Variants in RELL2 observed in about 807,000 individuals in gnomAD.
RELL2 encodes RELT-like protein 2.
RELL2 carries 18 observed loss-of-function variants against 27.5 expected under a neutral mutation model. That is an observed-to-expected ratio of 0.65 (90% CI 0.45 to 0.97). The LOEUF (loss-of-function observed/expected upper bound fraction) is 0.97, where lower values mean the gene tolerates loss of function less well. Ranked by LOEUF, RELL2 falls within the 50% of genes least tolerant of loss-of-function variation. The pLI is 0.00. For missense variants in RELL2, 370 were observed against 397.5 expected, an observed-to-expected ratio of 0.93 and a Z score of 0.59; for synonymous variants, 156 against 147.5, an observed-to-expected ratio of 1.06 and a Z score of -0.42.
chr5:141,639,423 A>G lies in RELL2; in HGVS notation c.318-41A>G, dbSNP rs1035078373. 9 of 1,509,686 alleles carry G rather than the reference A, an allele frequency of 6.0e-6. No homozygotes were observed. The African/African-American group carries it at 1.1e-4, about 19-fold the overall frequency. The allele number at this position is 1,509,686 out of a possible 1,614,324, so 93.5% of individuals were successfully genotyped here. A position where few individuals can be genotyped will look rare whatever the true frequency, so the allele number is the denominator to read the frequency against. On this transcript the variant is annotated intron_variant, in intron 3 of 6. Coordinates refer to ENST00000297164, the MANE Select transcript of RELL2 (RefSeq NM_173828.5). This position sits in a 1 kb window ranked among gnomAD's most constrained non-coding sequence, Gnocchi z 4.4. ...CGTAAGAAACAAAACATGAAGGGAA[A>G]TGGAAATGTTACCCTCACTCCCCTC...
chr5:141,640,516 C>A, intron 6 of RELL2, 71 bp downstream of exon 6: 1 of 1,611,410 alleles, frequency 6.2e-7, no homozygotes, highest in Non-Finnish European at 8.5e-7. Context: ...TTAAGCCTTT[C>A]GGCTCCCTGA....
Position 141,639,437 on chromosome 5 carries a change from C to G in RELL2, c.318-27C>G. ...CATGAAGGGAAATGGAAATGTTACC[C>G]TCACTCCCCTCCTCCCTGCTGTCCA... On this transcript the variant is annotated intron_variant, in intron 3 of 6. Transcript: ENST00000297164. The surrounding 1 kb of genome is among the most constrained non-coding windows in gnomAD (Gnocchi z 4.4). 6.4e-7 allele frequency: 1 copy of G among 1,561,938 alleles called. No homozygotes were observed. Among genetic ancestry groups the G allele is most frequent in the Non-Finnish European group, 8.7e-7 (1 of 1,146,678 alleles).
chr5:141,638,785 C>G lies in RELL2; in HGVS notation c.185-10C>G. 6.2e-7 allele frequency: 1 copy of G among 1,613,152 alleles called. No individual in the cohort carries two copies. Among genetic ancestry groups the G allele is most frequent in the Non-Finnish European group, 8.5e-7 (1 of 1,179,040 alleles). ...TTCCTGCTTCCTTGCCAATCTCTTT[C>G]ATCCTTCAGCTGAGGACGATGACAT... is the stretch of plus-strand genomic sequence containing the variant. On this transcript the variant is annotated splice_polypyrimidine_tract_variant and intron_variant, in intron 1 of 6. Coordinates refer to ENST00000297164, the MANE Select transcript of RELL2 (RefSeq NM_173828.5).
chr5:141,638,447 T>C, intron 1 of RELL2, 38 bp downstream of exon 1: 1 of 1,562,678 alleles, frequency 6.4e-7, no homozygotes, highest in Non-Finnish European at 8.7e-7. Flanking sequence ...CAGTCACCTT[T>C]CACCCTTCTC....
rs183917220 is a variant in RELL2, at chr5:141,639,353, G to A, written c.318-111G>A. ...ATAAAGACAAGAAAAAATGGGGCTT[G>A]GGGAAATTGGGGCTTCTGGGGTTTT... On this transcript the variant is annotated intron_variant, in intron 3 of 6. Coordinates refer to ENST00000297164, the MANE Select transcript of RELL2 (RefSeq NM_173828.5). The surrounding 1 kb of genome is among the most constrained non-coding windows in gnomAD (Gnocchi z 4.4). The A allele has an allele frequency of 4.7e-5, 39 of 826,964 alleles. No homozygotes were observed. In the African/African-American group the frequency reaches 5.9e-4, roughly 12 times the overall value. 51.2% of individuals were successfully genotyped at this position (826,964 alleles called of 1,614,324 possible).
In RELL2 at chr5:141,638,836, G is replaced by T; in HGVS notation, c.226G>T (p.Val76Phe). Residue 76 changes from valine to phenylalanine, a missense_variant, in exon 2 of 7, where the codon GTT becomes TTT. Physicochemically the swap from Val to Phe is conservative, Grantham distance 50. Coordinates refer to ENST00000297164, the MANE Select transcript of RELL2 (RefSeq NM_173828.5). ...GAATGAGGACACAGTAGAGAGGATT[G>T]TTCGCTGCATCATCCAGAATGAAGG... ...DMNEDTVERI[V>F]RCIIQNEANA... 1 of 1,614,202 alleles carries T rather than the reference G, an allele frequency of 6.2e-7. No individual in the cohort carries two copies.
Position 141,638,380 on chromosome 5 carries a change from C to T in RELL2, c.155C>T (p.Ser52Phe). The T allele has an allele frequency of 1.2e-6, 2 of 1,612,568 alleles. No individual in the cohort carries two copies. The highest frequency in any genetic ancestry group is 1.7e-6 in the Non-Finnish European group (2 of 1,179,688). The change falls in exon 1 of 7, where the codon TCT (serine) becomes TTT (phenylalanine). Residue 52 changes from serine to phenylalanine, a missense_variant. Physicochemically the swap from Ser to Phe is radical, Grantham distance 155. Coordinates refer to ENST00000297164, the MANE Select transcript of RELL2 (RefSeq NM_173828.5). ...TACCGCTGCCGCACGTCGAGGGGCT[C>T]TGAGCCTGACGATGCCCAGCTTCAG... ...KGYRCRTSRGSEPDDAQLQPP... is the reference protein window; with the variant it reads ...KGYRCRTSRGFEPDDAQLQPP...
At position 141,638,136 on chromosome 5, in the gene RELL2, G is replaced by C; in HGVS notation, c.-90G>C. 1 of 802,892 alleles carries C rather than the reference G, an allele frequency of 1.2e-6. No homozygotes were observed. Among genetic ancestry groups the C allele is most frequent in the Non-Finnish European group, 2.1e-6 (1 of 487,018 alleles). The allele number at this position is 802,892 out of a possible 1,614,324, so 49.7% of individuals were successfully genotyped here. ...CTTAGACGTGCTTGTTTCAGATCCTGAGGACGGCATTCCTACCCCTCCCCC... is the reference window on the plus strand; with the variant it reads ...CTTAGACGTGCTTGTTTCAGATCCTCAGGACGGCATTCCTACCCCTCCCCC... On this transcript the variant is annotated 5_prime_UTR_variant, in exon 1 of 7. Coordinates refer to ENST00000297164, the MANE Select transcript of RELL2 (RefSeq NM_173828.5).
In RELL2 at chr5:141,638,833, A is replaced by G; in HGVS notation, c.223A>G (p.Ile75Val). Reference protein sequence around the residue: ...DDMNEDTVERIVRCIIQNEAN... With the variant: ...DDMNEDTVERVVRCIIQNEAN... ...CATGAATGAGGACACAGTAGAGAGG[A>G]TTGTTCGCTGCATCATCCAGAATGA... is the stretch of plus-strand genomic sequence containing the variant. The change falls in exon 2 of 7, where the codon ATT becomes GTT. Residue 75 changes from isoleucine to valine, a missense_variant. Ile to Val is a conservative substitution (Grantham distance 29). Coordinates refer to ENST00000297164, the MANE Select transcript of RELL2 (RefSeq NM_173828.5). The G allele has an allele frequency of 6.2e-7, 1 of 1,614,162 alleles. No homozygotes were observed.
At chr5:141,638,743 C>A in intron 1 of RELL2, 52 bp from the exon 2 acceptor site, 4 of 1,475,782 alleles carry the variant, frequency 2.7e-6, no homozygotes, top group Non-Finnish European at 3.8e-6. Flanking sequence ...AGGTAATATT[C>A]CCCCAAAGCT....
At position 141,639,204 on chromosome 5, in the gene RELL2, G is replaced by C. The variant is rs765711145; in HGVS notation, c.317+183G>C. 36 of 625,966 alleles carry C rather than the reference G, an allele frequency of 5.8e-5. No individual in the cohort carries two copies. The highest frequency in any genetic ancestry group is 8.6e-5 in the Non-Finnish European group (31 of 360,106). The allele number at this position is 625,966 out of a possible 1,614,324, so 38.8% of individuals were successfully genotyped here. On this transcript the variant is annotated intron_variant, in intron 3 of 6. Transcript: ENST00000297164. This position sits in a 1 kb window ranked among gnomAD's most constrained non-coding sequence, Gnocchi z 4.4. ...TCCTTCAAACCATCTCTCTCATCTAGATATCATCAAGCCTAACATTCACCT... is the reference window on the plus strand; with the variant it reads ...TCCTTCAAACCATCTCTCTCATCTACATATCATCAAGCCTAACATTCACCT...
Position 141,638,997 on chromosome 5 carries a change from G to C in RELL2, c.293G>C (p.Gly98Ala). Reference protein sequence around the residue: ...ALKEMLGDSEGEGTVQLSSVD... With the variant: ...ALKEMLGDSEAEGTVQLSSVD... ...AAGGAGATGCTGGGGGACAGTGAAGGAGAAGGGACAGTGCAGCTGTCCAGG... is the reference window on the plus strand; with the variant it reads ...AAGGAGATGCTGGGGGACAGTGAAGCAGAAGGGACAGTGCAGCTGTCCAGG... Residue 98 changes from glycine to alanine, a missense_variant, in exon 3 of 7, where the codon GGA becomes GCA. Gly to Ala is a moderately conservative substitution (Grantham distance 60). Coordinates refer to ENST00000297164, the MANE Select transcript of RELL2 (RefSeq NM_173828.5). 1 of 1,614,142 alleles carries C rather than the reference G, an allele frequency of 6.2e-7. No individual in the cohort carries two copies. Among genetic ancestry groups the C allele is most frequent in the Non-Finnish European group, 8.5e-7 (1 of 1,180,012 alleles).
At position 141,640,817 on chromosome 5, in the gene RELL2, G is replaced by T; in HGVS notation, c.*148G>T. On this transcript the variant is annotated 3_prime_UTR_variant, in exon 7 of 7. Transcript: ENST00000297164. ...GGAGTTGCACAGTCTCAGGCTGGGG[G>T]CCTCAGGAGAGGTCACAGCCCCTCA... 1 of 762,260 alleles carries T rather than the reference G, an allele frequency of 1.3e-6. No individual in the cohort carries two copies. Among genetic ancestry groups the T allele is most frequent in the Non-Finnish European group, 2.1e-6 (1 of 484,476 alleles). 47.2% of individuals were successfully genotyped at this position (762,260 alleles called of 1,614,324 possible).
Position 141,640,744 on chromosome 5 carries a change from A to C in RELL2, c.*75A>C. On this transcript the variant is annotated 3_prime_UTR_variant, in exon 7 of 7. Transcript: ENST00000297164. ...GGTGGGCGTGAAAGCCCTCCCCTCC[A>C]CTGGACAGCACTGCCCCCCAGCTGA... 1 of 1,346,868 alleles carries C rather than the reference A, an allele frequency of 7.4e-7. No homozygotes were observed. The highest frequency in any genetic ancestry group is 1.0e-6 in the Non-Finnish European group (1 of 988,294). The allele number at this position is 1,346,868 out of a possible 1,614,324, so 83.4% of individuals were successfully genotyped here.
Position 141,637,121 on chromosome 5 carries a change from G to T in RELL2, c.-1105G>T. Reference sequence around the variant, plus strand: ...CCCATCCAGCCGCTTGCCCCAAACCGGGCGCAGGCCGTGGTCACTTCTCTA... The same window carrying T: ...CCCATCCAGCCGCTTGCCCCAAACCTGGCGCAGGCCGTGGTCACTTCTCTA... On this transcript the variant is annotated 5_prime_UTR_variant, in exon 1 of 7. Coordinates refer to ENST00000297164, the MANE Select transcript of RELL2 (RefSeq NM_173828.5). 3.7e-6 allele frequency: 1 copy of T among 272,122 alleles called. No individual in the cohort carries two copies. The highest frequency in any genetic ancestry group is 5.4e-5 in the Admixed American group (1 of 18,362). 16.9% of individuals were successfully genotyped at this position (272,122 alleles called of 1,614,324 possible).
At position 141,640,181 on chromosome 5, in the gene RELL2, C is replaced by T; in HGVS notation, c.765C>T (p.Asn255=). ...TAACCCCTCGTGCACTTGAAGGGAA[C>T]CCCAGAGCTTCTGCAGAGCCAACAC... ...SSLTPRALEG[N]PRASAEPTLR... is the part of the protein sequence containing the mutation. The change falls in exon 5 of 7, where the codon AAC becomes AAT. Residue 255 remains asparagine (N), a synonymous_variant. Transcript: ENST00000297164. The T allele has an allele frequency of 1.2e-5, 19 of 1,614,176 alleles. No individual in the cohort carries two copies. The highest frequency in any genetic ancestry group is 1.6e-5 in the Non-Finnish European group (19 of 1,180,008).
chr5:141,638,363 C>T lies in RELL2; in HGVS notation c.138C>T (p.Cys46=). Reference sequence around the variant, plus strand: ...TGCTCAAGAAGAAGGGCTACCGCTGCCGCACGTCGAGGGGCTCTGAGCCTG... The same window carrying T: ...TGCTCAAGAAGAAGGGCTACCGCTGTCGCACGTCGAGGGGCTCTGAGCCTG... ...CHVLKKKGYR[C]RTSRGSEPDD... is the part of the protein sequence containing the mutation. Residue 46 remains cysteine (C), a synonymous_variant, in exon 1 of 7, where the codon TGC becomes TGT. Transcript: ENST00000297164. 1 of 1,613,672 alleles carries T rather than the reference C, an allele frequency of 6.2e-7. No individual in the cohort carries two copies. The highest frequency in any genetic ancestry group is 8.5e-7 in the Non-Finnish European group (1 of 1,179,938).
At chr5:141,640,605 C>A in intron 6 of RELL2, 66 bp from the exon 7 acceptor site, 1 of 1,541,560 alleles carries the variant, frequency 6.5e-7, no homozygotes, top group South Asian at 1.2e-5. Context: ...GGTCCTGGAG[C>A]CCCAGGGGAA....
At position 141,639,898 on chromosome 5, in the gene RELL2, C is replaced by A. The variant is rs764131821; in HGVS notation, c.504-22C>A. Reference sequence around the variant, plus strand: ...AGCCTCTGAGTTGTGGTCCTAAACCCCAGTGTTCCCTCCCCTCCCAGGTTC... The same window carrying A: ...AGCCTCTGAGTTGTGGTCCTAAACCACAGTGTTCCCTCCCCTCCCAGGTTC... On this transcript the variant is annotated intron_variant, in intron 4 of 6. Transcript: ENST00000297164. This position sits in a 1 kb window ranked among gnomAD's most constrained non-coding sequence, Gnocchi z 4.4. 4.3e-6 allele frequency: 7 copies of A among 1,613,170 alleles called. No individual in the cohort carries two copies. In the South Asian group the frequency reaches 6.6e-5, roughly 15 times the overall value.
Sources: gnomAD v4.1 joint callset for allele counts on GRCh38, gnomAD v4.1.1 for gene constraint, Gnocchi (gnomAD v3.1) non-coding constraint, MANE v1.5 for transcripts, NCBI Gene and HGNC (gene_info 2026-07-23, HGNC 2026-07-21) for gene names.